Variants in WNK2 observed in about 807,000 individuals in gnomAD.
WNK2 encodes the protein WNK lysine deficient protein kinase 2, also known as serine/threonine-protein kinase WNK2.
Under a neutral mutation model 192.1 loss-of-function variants are expected in WNK2, and 67 were observed. The observed-to-expected ratio is 0.35, with a 90% CI of 0.29 to 0.43. WNK2 has a LOEUF of 0.43. Among genes scored for constraint, WNK2 ranks in the 20% least tolerant of loss-of-function variants. The pLI is 1.00. For synonymous variants in WNK2, 1,439 were observed against 1,393.9 expected, an observed-to-expected ratio of 1.03 and a Z score of -0.72; for missense variants, 2,698 against 3,089.7, an observed-to-expected ratio of 0.87 and a Z score of 3.01.
chr9:93,320,318 G>A, intron 29 of WNK2, 49 bp from the exon 30 acceptor site: 2 of 1,366,954 alleles, frequency 1.5e-6, no homozygotes, highest in Non-Finnish European at 2.0e-6. Context: ...TTGGCGAGTG[G>A]CCAGCACTGC....
intron 28 of WNK2, chr9:93,316,706 T>C (rs1158229987): frequency 6.6e-6 from 1 of 152,266 alleles, no homozygotes; most frequent in East Asian, 1.9e-4. Context: ...CAGTTCTCCT[T>C]CTCTCTGTCC....
chr9:93,239,702 T>C lies in WNK2; in HGVS notation c.1323-55T>C. 6.8e-7 allele frequency: 1 copy of C among 1,471,026 alleles called. No homozygotes were observed. Among genetic ancestry groups the C allele is most frequent in the Admixed American group, 2.0e-5 (1 of 49,756 alleles). The allele number at this position is 1,471,026 out of a possible 1,614,324, so 91.1% of individuals were successfully genotyped here. On this transcript the variant is annotated intron_variant, in intron 6 of 29. Transcript: ENST00000427277. This position sits in a 1 kb window ranked among gnomAD's most constrained non-coding sequence, Gnocchi z 4.2. ...CCTGGTGCGCATGGACACAGGAGCCTGGGCATGGAGGCCCTGGCGCCCGTG... is the reference window on the plus strand; with the variant it reads ...CCTGGTGCGCATGGACACAGGAGCCCGGGCATGGAGGCCCTGGCGCCCGTG...
chr9:93,250,555 A>G (rs997608954), intron 8 of WNK2, among the ~76,000 whole-genome samples: 4 of 152,234 alleles, frequency 2.6e-5, no homozygotes, highest in Non-Finnish European at 5.9e-5. Context: ...CTGTGTAACA[A>G]GATTGGCAAA....
chr9:93,307,020 G>A (rs1390848117), intron 27 of WNK2, 199 bp downstream of exon 27: 4 of 646,786 alleles, frequency 6.2e-6, no homozygotes, highest in Middle Eastern at 4.3e-4. Flanking sequence ...CGTGTGTCTC[G>A]TGGCGCCTAG....
Position 93,259,083 on chromosome 9 carries a change from C to A in WNK2, c.2535C>A (p.Ala845=). ...SPAVILPSLA[A]PLPPASPALP... Reference sequence around the variant, plus strand: ...CCGTGATCTTGCCGAGCCTCGCTGCCCCACTCCCCCCTGCGTCCCCAGCCT... The same window carrying A: ...CCGTGATCTTGCCGAGCCTCGCTGCACCACTCCCCCCTGCGTCCCCAGCCT... Residue 845 remains alanine, a synonymous_variant, in exon 12 of 30, where the codon GCC becomes GCA. Coordinates refer to ENST00000427277, the MANE Select transcript of WNK2 (RefSeq NM_006648.4). The surrounding 1 kb of genome is among the most constrained non-coding windows in gnomAD (Gnocchi z 4.8). 6.2e-7 allele frequency: 1 copy of A among 1,613,196 alleles called. No individual in the cohort carries two copies.
At chr9:93,191,204 CG>C (rs756237099) in intron 2 of WNK2, among the ~76,000 whole-genome samples, 2 of 152,044 alleles carry the variant, frequency 1.3e-5, no homozygotes, top group Admixed American at 6.6e-5. Context: ...CTGTCATTTC[CG>C]GGGACAGCTG....
At chr9:93,234,271 T>TG (rs746365545) in intron 4 of WNK2, among the ~76,000 whole-genome samples, 3 of 152,252 alleles carry the variant, frequency 2.0e-5, no homozygotes, top group Non-Finnish European at 4.4e-5. Flanking sequence ...TCAGGGACAC[T>TG]GTCTTCAGTG....
Position 93,261,942 on chromosome 9 carries a change from C to T in WNK2, c.3195C>T (p.Leu1065=). ...PEVLLPAAPE[L]LPQFPSSLAT... is the part of the protein sequence containing the mutation. ...TGCTGCTGCCTGCCGCCCCTGAGCT[C>T]CTGCCTCAGTTCCCCAGCTCCCTGG... The change falls in exon 13 of 30, where the codon CTC becomes CTT. Residue 1065 remains leucine, a synonymous_variant. Transcript: ENST00000427277. 1.2e-6 allele frequency: 2 copies of T among 1,611,026 alleles called. No homozygotes were observed. Among genetic ancestry groups the T allele is most frequent in the Non-Finnish European group, 1.7e-6 (2 of 1,179,756 alleles).
intron 2 of WNK2, among the ~76,000 whole-genome samples, chr9:93,206,978 G>A (rs115723831): frequency 0.021 from 3,251 of 152,232 alleles, 95 homozygotes; most frequent in African/African-American, 0.07. Flanking sequence ...TTTATCTGCT[G>A]AGTGAGGAGG....
At chr9:93,236,963 C>G (rs1268120276) in intron 5 of WNK2, among the ~76,000 whole-genome samples, 1 of 152,250 alleles carries the variant, frequency 6.6e-6, no homozygotes, top group African/African-American at 2.4e-5. Flanking sequence ...AGACTGACTG[C>G]TGCATTTGAG....
Position 93,185,001 on chromosome 9 carries a change from G to A in WNK2, c.72G>A (p.Ala24=). The change falls in exon 2 of 30, where the codon GCG becomes GCA. Residue 24 remains alanine, a synonymous_variant. Coordinates refer to ENST00000427277, the MANE Select transcript of WNK2 (RefSeq NM_006648.4). ...AGCCCGGGCGCGGCGCGGGGCCCGC[G>A]GGCATGGCGGAGCCTCGGGCGAAGG... ...LMEPGRGAGP[A]GMAEPRAKAA... is the part of the protein sequence containing the mutation. 4 of 1,245,042 alleles carry A rather than the reference G, an allele frequency of 3.2e-6. No individual in the cohort carries two copies. Among genetic ancestry groups the A allele is most frequent in the Non-Finnish European group, 4.0e-6 (4 of 999,510 alleles). The allele number at this position is 1,245,042 out of a possible 1,614,324, so 77.1% of individuals were successfully genotyped here. A position where few individuals can be genotyped will look rare whatever the true frequency, so the allele number is the denominator to read the frequency against.
intron 7 of WNK2, 73 bp downstream of exon 7, chr9:93,240,049 A>G: frequency 6.8e-7 from 1 of 1,480,674 alleles, no homozygotes; most frequent in Non-Finnish European, 9.2e-7. Flanking sequence ...TGAGAACAAA[A>G]GTGGGCTGAG....
chr9:93,310,434 T>C (rs1853437042), intron 28 of WNK2, among the ~76,000 whole-genome samples: 1 of 136,004 alleles, frequency 7.4e-6, no homozygotes, highest in African/African-American at 2.7e-5. Context: ...CTTTTATTTT[T>C]GTCATGGCAA....
chr9:93,236,896 G>A (rs1354073186), intron 5 of WNK2, among the ~76,000 whole-genome samples: 1 of 152,248 alleles, frequency 6.6e-6, no homozygotes, highest in Non-Finnish European at 1.5e-5. Context: ...CCTGGAACAG[G>A]GGCCCTCGTG....
At chr9:93,302,701 G>A (rs1851826099) in intron 26 of WNK2, among the ~76,000 whole-genome samples, 1 of 152,152 alleles carries the variant, frequency 6.6e-6, no homozygotes, top group Admixed American at 6.5e-5. Context: ...AGTGCAGCAG[G>A]CACCTCCAGA....
chr9:93,226,190 G>A (rs962935961), intron 2 of WNK2, among the ~76,000 whole-genome samples: 1 of 152,210 alleles, frequency 6.6e-6, no homozygotes, highest in South Asian at 2.1e-4. Flanking sequence ...AGACTTGCTC[G>A]GGGTTCTGAC....
At chr9:93,255,609 A>G (rs376573198) in intron 9 of WNK2, among the ~76,000 whole-genome samples, 3 of 152,152 alleles carry the variant, frequency 2.0e-5, no homozygotes, top group African/African-American at 4.8e-5. Context: ...GAGAACGTTC[A>G]TGGCAGGGTG....
At position 93,256,968 on chromosome 9, in the gene WNK2, G is replaced by A. The variant is rs377507851; in HGVS notation, c.2211G>A (p.Pro737=). The change falls in exon 11 of 30, where the codon CCG becomes CCA. Residue 737 remains proline, a synonymous_variant. Transcript: ENST00000427277. Reference sequence around the variant, plus strand: ...TCTAGCCTCCTCCGCTGGCCCAGCCGACACCCCTGCCGCAGGTCCTGGCCC... The same window carrying A: ...TCTAGCCTCCTCCGCTGGCCCAGCCAACACCCCTGCCGCAGGTCCTGGCCC... The part of the protein sequence containing the change: ...PGQQPPPLAQ[P]TPLPQVLAPQ... 4.4e-6 allele frequency: 7 copies of A among 1,580,210 alleles called. No individual in the cohort carries two copies. In the Admixed American group the frequency reaches 5.3e-5, roughly 12 times the overall value.
At chr9:93,201,784 A>G (rs1163603239) in intron 2 of WNK2, among the ~76,000 whole-genome samples, 2 of 152,206 alleles carry the variant, frequency 1.3e-5, no homozygotes, top group Non-Finnish European at 2.9e-5. Flanking sequence ...ATATTTGATG[A>G]AGGCAATGAT....
Sources: allele counts gnomAD v4.1 joint callset (sites outside exome capture counted in the v4.1 genomes callset), GRCh38; gene constraint gnomAD v4.1.1; non-coding constraint Gnocchi (gnomAD v3.1); transcripts MANE v1.5; gene names NCBI Gene and HGNC (gene_info 2026-07-23, HGNC 2026-07-21).